ZNF761: variants seen among roughly 807,000 people sequenced by gnomAD.
The protein encoded by ZNF761 is zinc finger protein 761.
In ZNF761, 43 loss-of-function variants were observed where a neutral mutation model predicts 59.9. That is an observed-to-expected ratio of 0.72 (90% CI 0.56 to 0.92). The LOEUF is 0.92. ZNF761 is among the 40% of genes least tolerant of loss of function. ZNF761 has a pLI of 0.00. For synonymous variants in ZNF761, 294 were observed against 304.8 expected, an observed-to-expected ratio of 0.96 and a Z score of 0.37; for missense variants, 850 against 906.1, an observed-to-expected ratio of 0.94 and a Z score of 0.79.
rs755164080 is a variant in ZNF761, at chr19:53,455,866, T to G, written c.1359T>G (p.Leu453=). Residue 453 remains leucine, a synonymous_variant, in exon 5 of 5, where the codon CTT becomes CTG. Coordinates refer to ENST00000684525, the MANE Select transcript of ZNF761 (RefSeq NM_001289951.2). ...CGKTFSRTSS[L]TCHRRRHTGE... ...AGACCTTTAGCCGGACATCATCCCTTACATGCCATCGTAGACGTCATACTG... is the reference window on the plus strand; with the variant it reads ...AGACCTTTAGCCGGACATCATCCCTGACATGCCATCGTAGACGTCATACTG... 7 of 1,613,640 alleles carry G rather than the reference T, an allele frequency of 4.3e-6. No homozygotes were observed. The African/African-American group carries it at 8.0e-5, about 18-fold the overall frequency.
intron 4 of ZNF761, among the ~76,000 whole-genome samples, chr19:53,453,199 T>A (rs1422023046): frequency 6.6e-6 from 1 of 152,108 alleles, no homozygotes; most frequent in East Asian, 1.9e-4. Flanking sequence ...AGTTGGGATT[T>A]CACCATGTTG....
intron 1 of ZNF761, among the ~76,000 whole-genome samples, chr19:53,432,282 A>T (rs2085978813): frequency 6.6e-6 from 1 of 151,880 alleles, no homozygotes; most frequent in Admixed American, 6.6e-5. Flanking sequence ...TCCTGCTGTA[A>T]ACCTTTTTCT....
chr19:53,454,892 A>G lies in ZNF761; in HGVS notation c.385A>G (p.Ser129Gly). The G allele has an allele frequency of 6.2e-7, 1 of 1,614,218 alleles. No homozygotes were observed. The stretch of plus-strand genomic sequence containing the variant: ...AGGTATTACAGAACGATATGATCAA[A>G]GTCATGCTAGAAACAAGCCTATTAA... The part of the protein sequence containing the change: ...LTGITERYDQ[S>G]HARNKPIKDQ... The change falls in exon 5 of 5, where the codon AGT (serine) becomes GGT (glycine). Residue 129 changes from serine (S) to glycine (G), a missense_variant. Ser to Gly is a moderately conservative substitution (Grantham distance 56, BLOSUM62 0). Coordinates refer to ENST00000684525, the MANE Select transcript of ZNF761 (RefSeq NM_001289951.2).
intron 1 of ZNF761, among the ~76,000 whole-genome samples, chr19:53,437,992 G>A (rs11084250): frequency 0.27 from 30,527 of 112,282 alleles, 7,605 homozygotes; most frequent in East Asian, 0.48. Flanking sequence ...TTCCAGCACA[G>A]AACTACTTCC....
rs761024648 is a variant in ZNF761 at position 53,456,166 on chromosome 19, G to C, written c.1659G>C (p.Lys553Asn). Residue 553 changes from lysine (K) to asparagine (N), a missense_variant, in exon 5 of 5, where the codon AAG (lysine) becomes AAC (asparagine). Lys to Asn is a moderately conservative substitution (Grantham distance 94). Transcript: ENST00000684525. ...CTGGAGAGAAACCTTACAAGTGTAA[G>C]GAGTGTGGCAAGACCTTCAATCAGC... ...LHSGEKPYKC[K>N]ECGKTFNQQL... The C allele has an allele frequency of 6.2e-7, 1 of 1,610,056 alleles. No homozygotes were observed. The highest frequency in any genetic ancestry group is 8.5e-7 in the Non-Finnish European group (1 of 1,178,604).
At chr19:53,432,933 G>A (rs1326874587) in intron 1 of ZNF761, among the ~76,000 whole-genome samples, 8 of 151,626 alleles carry the variant, frequency 5.3e-5, no homozygotes, top group Non-Finnish European at 8.8e-5. Flanking sequence ...AGAGGAGGAG[G>A]GATTTGGAGC....
intron 4 of ZNF761, among the ~76,000 whole-genome samples, chr19:53,452,647 A>T (rs983326717): frequency 2.0e-5 from 3 of 152,242 alleles, no homozygotes; most frequent in African/African-American, 7.2e-5. Context: ...GGGAAATCCA[A>T]GAGCAAGGTG....
intron 4 of ZNF761, 71 bp from the exon 5 acceptor site, chr19:53,454,579 G>C (rs940081469): frequency 7.0e-7 from 1 of 1,437,576 alleles, no homozygotes; most frequent in Non-Finnish European, 9.3e-7. Context: ...TTTTTGTGTC[G>C]TATTTACACA....
chr19:53,448,113 T>G (rs370036606), intron 3 of ZNF761, among the ~76,000 whole-genome samples: 1 of 152,206 alleles, frequency 6.6e-6, no homozygotes, highest in African/African-American at 2.4e-5. Flanking sequence ...GTGATTCTCC[T>G]GCCTCAGCCT....
At position 53,455,449 on chromosome 19, in the gene ZNF761, A is replaced by G; in HGVS notation, c.942A>G (p.Glu314=). The G allele has an allele frequency of 2.5e-6, 4 of 1,613,702 alleles. No homozygotes were observed. The highest frequency in any genetic ancestry group is 3.4e-6 in the Non-Finnish European group (4 of 1,179,938). The change falls in exon 5 of 5, where the codon GAA becomes GAG. Residue 314 remains glutamate (E), a synonymous_variant. Coordinates refer to ENST00000684525, the MANE Select transcript of ZNF761 (RefSeq NM_001289951.2). ...CTTTCCATTTCAAATCAATACTTGA[A>G]AGACATAGGATAATTCATACTGAAG... is the stretch of plus-strand genomic sequence containing the variant. ...DKAFHFKSIL[E]RHRIIHTEEK...
At position 53,455,015 on chromosome 19, in the gene ZNF761, G is replaced by A. The variant is rs752742656; in HGVS notation, c.508G>A (p.Asp170Asn). 8.7e-6 allele frequency: 14 copies of A among 1,614,000 alleles called. No homozygotes were observed. Among genetic ancestry groups the A allele is most frequent in the African/African-American group, 8.0e-5 (6 of 74,898 alleles). ...TAATCAAGTTGTGAAGTCTGTCCAC[G>A]ATGCTTCCTTGGTTTCAACAGCCCA... ...IDNQVVKSVH[D>N]ASLVSTAQRI... Residue 170 changes from aspartate to asparagine, a missense_variant, in exon 5 of 5, where the codon GAT becomes AAT. Coordinates refer to ENST00000684525, the MANE Select transcript of ZNF761 (RefSeq NM_001289951.2).
At chr19:53,449,476 T>C (rs746463784) in intron 3 of ZNF761, 36 bp from the exon 4 acceptor site, 19 of 1,613,888 alleles carry the variant, frequency 1.2e-5, no homozygotes, top group Middle Eastern at 1.6e-4. Context: ...AGAACTCCTC[T>C]CATAACCATT....
At chr19:53,449,025 C>G (rs1453900861) in intron 3 of ZNF761, among the ~76,000 whole-genome samples, 1 of 152,130 alleles carries the variant, frequency 6.6e-6, no homozygotes, top group African/African-American at 2.4e-5. Context: ...CGGAATGTCA[C>G]TTGCTGTGTC....
chr19:53,445,882 G>C (rs1444337297), intron 1 of ZNF761, among the ~76,000 whole-genome samples: 1 of 152,108 alleles, frequency 6.6e-6, no homozygotes, highest in African/African-American at 2.4e-5. Flanking sequence ...ACTCCTCACT[G>C]TGGCTCCACA....
In ZNF761 at chr19:53,454,723, G is replaced by T. The variant is rs757076604; in HGVS notation, c.216G>T (p.Gly72=). The T allele has an allele frequency of 6.2e-7, 1 of 1,614,080 alleles. No individual in the cohort carries two copies. ...GCAACAGAGAAGTGTTCCATGCAGG[G>T]ACATTGCAAATACATGAAAGTCATC... ...AQGNREVFHA[G]TLQIHESHHN... The change falls in exon 5 of 5, where the codon GGG becomes GGT. Residue 72 remains glycine (G), a synonymous_variant. Transcript: ENST00000684525.
intron 1 of ZNF761, among the ~76,000 whole-genome samples, chr19:53,438,567 G>C (rs541676969): frequency 2.0e-5 from 3 of 152,276 alleles, no homozygotes; most frequent in Admixed American, 1.3e-4. Flanking sequence ...TTTTTTAAAA[G>C]AGGGGCTCCT....
At position 53,447,179 on chromosome 19, in the gene ZNF761, A is replaced by C. The variant is rs1369912420; in HGVS notation, c.-73-17A>C. 3.3e-6 allele frequency: 5 copies of C among 1,530,448 alleles called. No homozygotes were observed. The African/African-American group carries it at 4.1e-5, about 13-fold the overall frequency. 94.8% of individuals were successfully genotyped at this position (1,530,448 alleles called of 1,614,324 possible). On this transcript the variant is annotated splice_polypyrimidine_tract_variant and intron_variant, in intron 2 of 4. Coordinates refer to ENST00000684525, the MANE Select transcript of ZNF761 (RefSeq NM_001289951.2). The stretch of plus-strand genomic sequence containing the variant: ...GTGTTGATTCTGAGCAATAAACAAC[A>C]TATTTCTAACATTCAGGATTGACTT...
intron 1 of ZNF761, chr19:53,444,455 A>T (rs1287961065): frequency 6.6e-6 from 1 of 152,228 alleles, no homozygotes; most frequent in African/African-American, 2.4e-5. Flanking sequence ...ATTGAGGCAC[A>T]GCACCTTTCC....
chr19:53,452,877 A>C (rs547957450), intron 4 of ZNF761, among the ~76,000 whole-genome samples: 1 of 152,352 alleles, frequency 6.6e-6, no homozygotes, highest in South Asian at 2.1e-4. Flanking sequence ...AACTCTGAAC[A>C]TGGCTTTTGG....
Sources: gnomAD v4.1 joint callset for allele counts (sites outside exome capture counted in the v4.1 genomes callset) on GRCh38, gnomAD v4.1.1 for gene constraint, MANE v1.5 for transcripts, NCBI Gene and HGNC (gene_info 2026-07-23, HGNC 2026-07-21) for gene names.